STK24: variants seen among roughly 807,000 people sequenced by gnomAD.
STK24 encodes the protein serine/threonine-protein kinase 24.
A neutral mutation model predicts 55.6 loss-of-function variants in STK24; 21 were observed. The ratio of observed to expected loss-of-function variants is 0.38; its 90% confidence interval spans 0.27 to 0.54. STK24 has a LOEUF of 0.54. Ranked by LOEUF, STK24 falls within the 20% of genes least tolerant of loss-of-function variation. The pLI is 0.79. For synonymous variants in STK24, 200 were observed against 215.2 expected (o/e 0.93, Z 0.62); for missense variants, 383 against 538.4 (o/e 0.71, Z 2.86).
At chr13:98,568,016 T>G (rs1323686479) in intron 1 of STK24, among the ~76,000 whole-genome samples, 2 of 147,370 alleles carry the variant, frequency 1.4e-5, no homozygotes, top group East Asian at 3.9e-4. Context: ...TTTTTTTTTT[T>G]GGAGGCACAG....
At chr13:98,494,208 G>A (rs887999635) in intron 2 of STK24, among the ~76,000 whole-genome samples, 2 of 145,874 alleles carry the variant, frequency 1.4e-5, no homozygotes, top group African/African-American at 2.5e-5. Flanking sequence ...TCAGGAGATC[G>A]AGACCATCCT....
At chr13:98,542,375 T>C (rs1296045444) in intron 1 of STK24, among the ~76,000 whole-genome samples, 2 of 151,744 alleles carry the variant, frequency 1.3e-5, no homozygotes, top group Non-Finnish European at 1.5e-5. Context: ...ATTCATCCTA[T>C]GCACAAACAA....
chr13:98,497,826 G>A (rs1895303134), intron 2 of STK24, among the ~76,000 whole-genome samples: 2 of 152,196 alleles, frequency 1.3e-5, no homozygotes, highest in African/African-American at 2.4e-5. Flanking sequence ...AAACAACAGG[G>A]TACAGCGTCC....
chr13:98,510,560 TGGTCTA>T (rs1320624852), intron 2 of STK24, among the ~76,000 whole-genome samples: 1 of 152,200 alleles, frequency 6.6e-6, no homozygotes, highest in East Asian at 1.9e-4. Context: ...TAACAAAGTG[TGGTCTA>T]TCCACAGAAT....
Position 98,453,074 on chromosome 13 carries a change from T to G in STK24, c.*99A>C. On this transcript the variant is annotated 3_prime_UTR_variant, in exon 11 of 11. Transcript: ENST00000539966. ...CTGGGGTGGCTCCCAGTGGCGCACCTCTTCGGTGGAGTCAGCGAAGGCTCT... is the reference window on the plus strand; with the variant it reads ...CTGGGGTGGCTCCCAGTGGCGCACCGCTTCGGTGGAGTCAGCGAAGGCTCT... 7.0e-7 allele frequency: 1 copy of G among 1,423,858 alleles called. No homozygotes were observed. Among genetic ancestry groups the G allele is most frequent in the South Asian group, 1.2e-5 (1 of 83,752 alleles). 88.2% of individuals were successfully genotyped at this position (1,423,858 alleles called of 1,614,324 possible). A position where few individuals can be genotyped will look rare whatever the true frequency, so the allele number is the denominator to read the frequency against.
At chr13:98,508,091 A>C (rs1895757667) in intron 2 of STK24, among the ~76,000 whole-genome samples, 1 of 152,192 alleles carries the variant, frequency 6.6e-6, no homozygotes, top group South Asian at 2.1e-4. Context: ...AGCTACCCAG[A>C]ATTCTTCCTG....
rs1893217916 is a variant in STK24, at chr13:98,451,988, A to C, written c.*1185T>G. Reference sequence around the variant, plus strand: ...CATCTCGGTGAGCAAGTGCGCAAGCAGTCCAGGGCGCTGACCTGGGCACTC... The same window carrying C: ...CATCTCGGTGAGCAAGTGCGCAAGCCGTCCAGGGCGCTGACCTGGGCACTC... On this transcript the variant is annotated 3_prime_UTR_variant, in exon 11 of 11. Coordinates refer to ENST00000539966, the MANE Select transcript of STK24 (RefSeq NM_001032296.4). The C allele has an allele frequency of 6.6e-6, 1 of 152,234 alleles. No homozygotes were observed. The highest frequency in any genetic ancestry group is 2.4e-5 in the African/African-American group (1 of 41,436). The allele number at this position is 152,234 out of a possible 1,614,324, so 9.4% of individuals were successfully genotyped here.
intron 1 of STK24, among the ~76,000 whole-genome samples, chr13:98,564,870 A>G (rs1190368665): frequency 6.6e-6 from 1 of 152,168 alleles, no homozygotes; most frequent in African/African-American, 2.4e-5. Context: ...CGAGATTCCC[A>G]TTTCTAAAAA....
At chr13:98,562,118 G>A (rs181211735) in intron 1 of STK24, among the ~76,000 whole-genome samples, 52 of 152,160 alleles carry the variant, frequency 3.4e-4, no homozygotes, top group African/African-American at 1.1e-3. Flanking sequence ...GCTGAATGAG[G>A]AACAATATCA....
At chr13:98,574,207 T>G (rs1382601551) in intron 1 of STK24, among the ~76,000 whole-genome samples, 2 of 152,130 alleles carry the variant, frequency 1.3e-5, no homozygotes, top group Non-Finnish European at 2.9e-5. Flanking sequence ...GAAACAGGGT[T>G]TCACCATGTT....
At chr13:98,476,277 A>G (rs1317973398) in intron 3 of STK24, among the ~76,000 whole-genome samples, 1 of 138,592 alleles carries the variant, frequency 7.2e-6, no homozygotes, top group African/African-American at 2.5e-5. Flanking sequence ...GCAGTCAGTC[A>G]CAAACAGTAA....
intron 9 of STK24, among the ~76,000 whole-genome samples, chr13:98,459,137 G>A (rs1045712778): frequency 4.6e-5 from 7 of 152,158 alleles, no homozygotes; most frequent in East Asian, 1.9e-4. Flanking sequence ...CTATTCCAGC[G>A]GCCAATGGCA....
At chr13:98,482,208 C>A in intron 3 of STK24, 57 bp downstream of exon 3, 2 of 1,036,462 alleles carry the variant, frequency 1.9e-6, no homozygotes, top group South Asian at 3.5e-5. Context: ...TTCTTTAAAA[C>A]CCAGGTTTCC....
chr13:98,505,409 G>T (rs1469233979), intron 2 of STK24, among the ~76,000 whole-genome samples: 1 of 152,192 alleles, frequency 6.6e-6, no homozygotes, highest in Non-Finnish European at 1.5e-5. Flanking sequence ...TACTACACCA[G>T]CCTTGGCTGG....
intron 1 of STK24, among the ~76,000 whole-genome samples, chr13:98,525,015 G>A (rs1205240573): frequency 6.6e-6 from 1 of 152,230 alleles, no homozygotes; most frequent in African/African-American, 2.4e-5. Context: ...TGAGGCCGGG[G>A]CAATGGGGCA....
chr13:98,499,738 A>G (rs1394835396), intron 2 of STK24, among the ~76,000 whole-genome samples: 1 of 152,226 alleles, frequency 6.6e-6, no homozygotes, highest in East Asian at 1.9e-4. Context: ...AGCCCTGATC[A>G]GCAAAGACAA....
At chr13:98,515,894 G>C (rs769115528) in intron 2 of STK24, among the ~76,000 whole-genome samples, 1 of 152,166 alleles carries the variant, frequency 6.6e-6, no homozygotes, top group Non-Finnish European at 1.5e-5. Flanking sequence ...AAAGAACTAA[G>C]AACAGTAGCT....
At chr13:98,475,440 G>T in intron 3 of STK24, 82 bp from the exon 4 acceptor site, 1 of 923,752 alleles carries the variant, frequency 1.1e-6, no homozygotes, top group Non-Finnish European at 1.7e-6. Context: ...CACTATCCAT[G>T]TTAATGGACA....
intron 1 of STK24, among the ~76,000 whole-genome samples, chr13:98,576,531 C>G (rs1300045438): frequency 1.3e-5 from 2 of 152,112 alleles, no homozygotes; most frequent in African/African-American, 4.8e-5. Context: ...GTTCCTACGG[C>G]TCCTGCACGC....
Sources: gnomAD v4.1 joint callset for allele counts (sites outside exome capture counted in the v4.1 genomes callset) on GRCh38, gnomAD v4.1.1 for gene constraint, MANE v1.5 for transcripts, NCBI Gene and HGNC (gene_info 2026-07-23, HGNC 2026-07-21) for gene names.